The following GALK1 variants were observed in gnomAD, a reference collection of about 807,000 sequenced individuals.
GALK1 encodes galactokinase.
GALK1 carries 30 observed loss-of-function variants against 38.6 expected under a neutral mutation model. The observed-to-expected ratio is 0.78, with a 90% CI of 0.58 to 1.05. The LOEUF is 1.05. Among genes scored for constraint, GALK1 ranks in the 50% least tolerant of loss-of-function variants. The probability of loss-of-function intolerance (pLI) is 0.00; values close to 1 mark genes in which losing one functional copy is unlikely to be tolerated. For missense variants in GALK1, 512 were observed against 540.5 expected (o/e 0.95, Z 0.52); for synonymous variants, 240 against 233.6 (o/e 1.03, Z -0.25).
chr17:75,764,202 C>G, intron 1 of GALK1, 116 bp from the exon 2 acceptor site: 6 of 1,010,478 alleles, frequency 5.9e-6, no homozygotes, highest in East Asian at 2.4e-5. Context: ...TCTGAACCTC[C>G]AGGTTCAGCG....
intron 2 of GALK1, 59 bp from the exon 3 acceptor site, chr17:75,763,498 G>A (rs2061597265): frequency 4.5e-6 from 7 of 1,540,784 alleles, no homozygotes; most frequent in Non-Finnish European, 6.1e-6. Context: ...GGCACAGGAA[G>A]GGCAGGTGTC....
chr17:75,753,769 C>G, downstream of GALK1: 1 of 1,444,564 alleles, frequency 6.9e-7, no homozygotes. Context: ...CCCAAGGCTG[C>G]GGCTGGAAGT....
intron 2 of GALK1, 190 bp from the exon 3 acceptor site, chr17:75,763,629 T>A: frequency 1.4e-6 from 1 of 724,470 alleles, no homozygotes; most frequent in Non-Finnish European, 2.3e-6. Context: ...CCCTCTGAGG[T>A]TGCTGGGACA....
intron 8 of GALK1, chr17:75,752,078 C>A: frequency 7.4e-7 from 1 of 1,343,460 alleles, no homozygotes; most frequent in Non-Finnish European, 1.1e-6. Context: ...CCCTGGGTGC[C>A]ATCCAGGGGA....
downstream of GALK1, chr17:75,757,673 G>A: frequency 7.1e-7 from 1 of 1,399,262 alleles, no homozygotes; most frequent in Non-Finnish European, 1.0e-6. Context: ...CGCATGCACA[G>A]AGCAGGGGCT....
chr17:75,763,397 A>ACTGAG lies in GALK1; in HGVS notation c.393_397dup (p.Val133AlafsTer33). On this transcript the variant is annotated frameshift_variant, in exon 3 of 8. Coordinates refer to ENST00000588479, the MANE Select transcript of GALK1 (RefSeq NM_000154.2). LOFTEE classifies it high-confidence loss of function. ...GCTGGACAGGCCACCCCCCAGGGGCACTGAGCTGACCACCACTGCACTGAA... is the reference window on the plus strand; with the variant it reads ...GCTGGACAGGCCACCCCCCAGGGGCACTGAGCTGAGCTGACCACCACTGCACTGAA... 3 of 1,612,262 alleles carry ACTGAG rather than the reference A, an allele frequency of 1.9e-6. No homozygotes were observed. The highest frequency in any genetic ancestry group is 2.5e-6 in the Non-Finnish European group (3 of 1,179,348).
downstream of GALK1, chr17:75,756,591 C>T (rs148008349): frequency 6.6e-5 from 106 of 1,612,882 alleles, no homozygotes; most frequent in African/African-American, 1.7e-4. Flanking sequence ...CAGGTGCACC[C>T]GCAGAGCCCA....
At chr17:75,757,641 A>G, downstream of GALK1, 1 of 1,564,590 alleles carries the variant, frequency 6.4e-7, no homozygotes. Flanking sequence ...CCATCCTTGC[A>G]CCCCTGGGGG....
At chr17:75,757,113 C>T (rs752163695), downstream of GALK1, 9 of 1,612,844 alleles carry the variant, frequency 5.6e-6, no homozygotes, top group South Asian at 4.4e-5. Flanking sequence ...TGGAGGTAGG[C>T]ACCTGTCCTT....
chr17:75,758,552 C>G lies in GALK1; in HGVS notation c.841G>C (p.Val281Leu). 1 of 1,596,142 alleles carries G rather than the reference C, an allele frequency of 6.3e-7. No homozygotes were observed. The highest frequency in any genetic ancestry group is 8.5e-7 in the Non-Finnish European group (1 of 1,176,636). Residue 281 changes from valine (V) to leucine (L), a missense_variant, in exon 6 of 8, where the codon GTG (valine) becomes CTG (leucine). By Grantham distance (32) the Val-to-Leu change is conservative. Transcript: ENST00000588479. ...GCCGTGCGCCGAATCTCCCCCACCA[C>G]GTGCCGGGCCCGCCGGAAGCCCTCT... The part of the protein sequence containing the change: ...SKEGFRRARH[V>L]VGEIRRTAQA...
At chr17:75,758,642 G>A (rs966808313) in intron 5 of GALK1, 43 bp from the exon 6 acceptor site, 3 of 1,557,318 alleles carry the variant, frequency 1.9e-6, no homozygotes, top group African/African-American at 2.7e-5. Flanking sequence ...CTCACTGCCT[G>A]GGGCCCCGAC....
chr17:75,753,720 C>G, downstream of GALK1: 1 of 1,299,994 alleles, frequency 7.7e-7, no homozygotes, highest in Non-Finnish European at 9.9e-7. Flanking sequence ...CTGCTCGGCC[C>G]GGCGCCCCCC....
downstream of GALK1, chr17:75,756,834 G>A: frequency 6.2e-7 from 1 of 1,612,362 alleles, no homozygotes; most frequent in South Asian, 1.1e-5. Flanking sequence ...GCTACCTGGT[G>A]ACCTGTGAGA....
At position 75,763,338 on chromosome 17, in the gene GALK1, G is replaced by A; in HGVS notation, c.457C>T (p.Leu153Phe). The stretch of plus-strand genomic sequence containing the variant: ...CTGGTACCTGGACAGAGCTGCTGGA[G>A]GAAGGTGTACGTGGCCACTTCCAAG... ...ASLEVATYTF[L>F]QQLCPDSGTI... The change falls in exon 3 of 8, where the codon CTC (leucine) becomes TTC (phenylalanine). Residue 153 changes from leucine (L) to phenylalanine (F), a missense_variant. Transcript: ENST00000588479. 6.2e-7 allele frequency: 1 copy of A among 1,614,040 alleles called. No homozygotes were observed. The highest frequency in any genetic ancestry group is 8.5e-7 in the Non-Finnish European group (1 of 1,180,012).
At chr17:75,755,331 C>T (rs1180917905), downstream of GALK1, 7 of 1,119,770 alleles carry the variant, frequency 6.3e-6, no homozygotes, top group Admixed American at 2.5e-5. Flanking sequence ...ACAGGACCCC[C>T]GCCTGCCCAC....
At chr17:75,754,970 A>C (rs1478423276), downstream of GALK1, 3 of 1,325,164 alleles carry the variant, frequency 2.3e-6, no homozygotes, top group Non-Finnish European at 3.2e-6. Context: ...ACGCATGCAC[A>C]CATGTACACA....
rs771667085 is a variant in GALK1, at chr17:75,758,534, G to A, written c.859C>T (p.Arg287Cys). 3.1e-6 allele frequency: 5 copies of A among 1,593,008 alleles called. No individual in the cohort carries two copies. Among genetic ancestry groups the A allele is most frequent in the South Asian group, 2.3e-5 (2 of 88,762 alleles). The stretch of plus-strand genomic sequence containing the variant: ...AGGGCGGCCGCTGCCTGGGCCGTGC[G>A]CCGAATCTCCCCCACCACGTGCCGG... ...RARHVVGEIR[R>C]TAQAAAALRR... The change falls in exon 6 of 8, where the codon CGC becomes TGC. Residue 287 changes from arginine to cysteine, a missense_variant. By Grantham distance (180) the Arg-to-Cys change is radical (BLOSUM62 -3). Coordinates refer to ENST00000588479, the MANE Select transcript of GALK1 (RefSeq NM_000154.2).
At chr17:75,758,976 G>A (rs145427290) in intron 5 of GALK1, among the ~76,000 whole-genome samples, 99 of 152,306 alleles carry the variant, frequency 6.5e-4, no homozygotes, top group African/African-American at 2.3e-3. Context: ...GGGACCAGCA[G>A]GCTGTCCCAT....
chr17:75,764,198 C>T (rs1182409791), intron 1 of GALK1, 112 bp from the exon 2 acceptor site: 2 of 1,049,082 alleles, frequency 1.9e-6, no homozygotes, highest in African/African-American at 3.1e-5. Flanking sequence ...AGGTTCTGAA[C>T]CTCCAGGTTC....
Sources: gnomAD v4.1 joint callset for allele counts (sites outside exome capture counted in the v4.1 genomes callset) on GRCh38, gnomAD v4.1.1 for gene constraint, MANE v1.5 for transcripts, NCBI Gene and HGNC (gene_info 2026-07-23, HGNC 2026-07-21) for gene names.